HNF4G: variants seen among roughly 807,000 people sequenced by gnomAD.
HNF4G encodes hepatocyte nuclear factor 4-gamma.
A neutral mutation model predicts 50.9 loss-of-function variants in HNF4G; 21 were observed. The ratio of observed to expected loss-of-function variants is 0.41; its 90% CI spans 0.29 to 0.59. The LOEUF (loss-of-function observed/expected upper bound fraction) is 0.59, where lower values mean the gene tolerates loss of function less well. HNF4G is among the 20% of genes least tolerant of loss of function. The pLI is 0.26. For missense variants in HNF4G, 527 were observed against 559.4 expected (o/e 0.94, Z 0.58); for synonymous variants, 198 against 185.6 (o/e 1.07, Z -0.54).
intron 1 of HNF4G, among the ~76,000 whole-genome samples, chr8:75,476,063 C>T (rs1023798209): frequency 7.2e-5 from 11 of 151,776 alleles, no homozygotes; most frequent in Non-Finnish European, 1.5e-4. Flanking sequence ...CATATTGCAC[C>T]CAAAAGACCA....
At chr8:75,430,593 A>G (rs1315278759) in intron 1 of HNF4G, among the ~76,000 whole-genome samples, 2 of 152,126 alleles carry the variant, frequency 1.3e-5, no homozygotes, top group Admixed American at 1.3e-4. Context: ...TTTCACCAGA[A>G]GAAAATTCAT....
intron 1 of HNF4G, among the ~76,000 whole-genome samples, chr8:75,441,571 G>A (rs999855884): frequency 5.9e-5 from 9 of 152,222 alleles, no homozygotes; most frequent in Admixed American, 2.0e-4. Flanking sequence ...AAGTGTACAA[G>A]AAAATATTAT....
chr8:75,530,933 C>T (rs753200188), intron 2 of HNF4G, among the ~76,000 whole-genome samples: 8 of 151,722 alleles, frequency 5.3e-5, no homozygotes, highest in African/African-American at 7.3e-5. Flanking sequence ...GCTGGGACTA[C>T]GGGCATGCAC....
chr8:75,517,247 C>T (rs1805913718), intron 2 of HNF4G, among the ~76,000 whole-genome samples: 2 of 152,130 alleles, frequency 1.3e-5, no homozygotes, highest in Non-Finnish European at 2.9e-5. Flanking sequence ...GGTGGAGACA[C>T]AGCCAAACTA....
Position 75,553,295 on chromosome 8 carries a change from A to G in HNF4G, c.645+98A>G, listed in dbSNP as rs1807022844. On this transcript the variant is annotated intron_variant, in intron 5 of 9. Transcript: ENST00000396423. Reference sequence around the variant, plus strand: ...TTATTTGTAATGCATATTCTATATTACTGTATTTGGCAAAAGATAAATTAG... The same window carrying G: ...TTATTTGTAATGCATATTCTATATTGCTGTATTTGGCAAAAGATAAATTAG... 3 of 957,906 alleles carry G rather than the reference A, an allele frequency of 3.1e-6. No homozygotes were observed. The East Asian group carries it at 7.5e-5, about 24-fold the overall frequency. The allele number at this position is 957,906 out of a possible 1,614,324, so 59.3% of individuals were successfully genotyped here.
chr8:75,541,611 C>T (rs1806625098), intron 1 of HNF4G, among the ~76,000 whole-genome samples: 1 of 152,014 alleles, frequency 6.6e-6, no homozygotes, highest in Admixed American at 6.6e-5. Context: ...ATAATCAGGA[C>T]ATGACAACCT....
chr8:75,487,980 G>T (rs1812533185), intron 1 of HNF4G, among the ~76,000 whole-genome samples: 1 of 152,146 alleles, frequency 6.6e-6, no homozygotes, highest in South Asian at 2.1e-4. Context: ...CAGATCTCTT[G>T]AGAACTCACT....
rs1026719488 is a variant in HNF4G, at chr8:75,512,438, T to C, written c.-24+22230T>C. On this transcript the variant is annotated intron_variant, in intron 2 of 10. Coordinates refer to the HNF4G transcript ENST00000354370. The stretch of plus-strand genomic sequence containing the variant: ...TTTTAGATAAACATCTTTATTATTA[T>C]TATTACTATTACTATTATTATTATT... Among the ~76,000 whole-genome samples the C allele has an allele frequency of 1.1e-4, 13 of 121,642 alleles. 1 individual carries two copies. Among genetic ancestry groups the C allele is most frequent in the African/African-American group, 4.6e-4 (13 of 28,356 alleles). The allele number at this position is 121,642 out of a possible 152,430, so 79.8% of individuals were successfully genotyped here. A position where few individuals can be genotyped will look rare whatever the true frequency, so the allele number is the denominator to read the frequency against.
chr8:75,557,810 C>T (rs1399405240), intron 6 of HNF4G, among the ~76,000 whole-genome samples: 1 of 151,964 alleles, frequency 6.6e-6, no homozygotes. Context: ...CAGAAAATAA[C>T]AATTTAACTG....
chr8:75,515,513 A>G (rs1428506361), intron 2 of HNF4G, among the ~76,000 whole-genome samples: 2 of 152,142 alleles, frequency 1.3e-5, no homozygotes, highest in African/African-American at 2.4e-5. Context: ...CTGAAGACTC[A>G]GGAAAACTAG....
intron 1 of HNF4G, among the ~76,000 whole-genome samples, chr8:75,482,671 T>TTTTTG (rs533626086): frequency 8.6e-5 from 13 of 152,016 alleles, no homozygotes; most frequent in African/African-American, 2.7e-4. Flanking sequence ...CCCCGGCTGG[T>TTTTTG]TTTTGTTTTG....
intron 1 of HNF4G, among the ~76,000 whole-genome samples, chr8:75,473,618 T>G (rs1812172664): frequency 6.6e-6 from 1 of 152,134 alleles, no homozygotes; most frequent in Non-Finnish European, 1.5e-5. Flanking sequence ...TATTAAAGAA[T>G]TACAGGGACT....
intron 1 of HNF4G, among the ~76,000 whole-genome samples, chr8:75,442,747 A>G (rs1811316776): frequency 6.6e-6 from 1 of 152,186 alleles, no homozygotes; most frequent in East Asian, 1.9e-4. Context: ...TCATTATTTT[A>G]TATTGAGTTT....
At chr8:75,423,335 C>CTTTTT (rs34511777) in intron 1 of HNF4G, among the ~76,000 whole-genome samples, 150 of 94,588 alleles carry the variant, frequency 1.6e-3, no homozygotes, top group African/African-American at 3.0e-3. Context: ...TTTTCTTTAT[C>CTTTTT]TTTTTTTTTT....
At chr8:75,484,271 A>G (rs994416064) in intron 1 of HNF4G, among the ~76,000 whole-genome samples, 1 of 152,236 alleles carries the variant, frequency 6.6e-6, no homozygotes, top group Admixed American at 6.5e-5. Flanking sequence ...TGAGCAATAA[A>G]CAGTCATTAC....
intron 1 of HNF4G, among the ~76,000 whole-genome samples, chr8:75,443,194 C>T (rs1399044408): frequency 6.6e-6 from 1 of 152,170 alleles, no homozygotes; most frequent in Admixed American, 6.5e-5. Context: ...GACACCAAAT[C>T]TGCTGGTACT....
intron 2 of HNF4G, among the ~76,000 whole-genome samples, chr8:75,493,900 C>T (rs554876273): frequency 6.6e-6 from 1 of 152,110 alleles, no homozygotes; most frequent in East Asian, 1.9e-4. Flanking sequence ...CTTTAATTTT[C>T]TCTGTTGTTA....
At chr8:75,408,155 C>A (rs1451708689) in exon 1 of HNF4G, 1 of 153,552 alleles carries the variant, frequency 6.5e-6, no homozygotes, top group Non-Finnish European at 1.4e-5. Context: ...GGGAAGAAGG[C>A]GCTGGAGGTG....
intron 4 of HNF4G, 152 bp from the exon 5 acceptor site, chr8:75,552,890 T>C: frequency 1.9e-6 from 1 of 531,506 alleles, no homozygotes. Flanking sequence ...GTATTTCATT[T>C]TTCAATTTAA....
Sources: gnomAD v4.1 joint callset for allele counts (sites outside exome capture counted in the v4.1 genomes callset) on GRCh38, gnomAD v4.1.1 for gene constraint, MANE v1.5 for transcripts, NCBI Gene and HGNC (gene_info 2026-07-23, HGNC 2026-07-21) for gene names.